Variants in ANG observed in about 807,000 individuals in gnomAD.
The protein encoded by ANG is Homo sapiens epididymis luminal protein 168.
For missense variants in ANG, 178 were observed against 187.4 expected (o/e 0.95, Z 0.29); for synonymous variants, 74 against 73.8 (o/e 1.00, Z -0.02).
chr14:20,688,885 G>A lies in ANG; in HGVS notation c.-19+11G>A. The A allele has an allele frequency of 1.0e-6, 1 of 981,610 alleles. No homozygotes were observed. Among genetic ancestry groups the A allele is most frequent in the Non-Finnish European group, 1.2e-6 (1 of 826,608 alleles). 60.8% of individuals were successfully genotyped at this position (981,610 alleles called of 1,614,324 possible). ...GATTCTTCCTCCTGGGTAAACTATT[G>A]TTCAATTTGTTTTATATATTATTTC... On this transcript the variant is annotated intron_variant, in intron 1 of 1. Transcript: ENST00000397990.
intron 1 of ANG, among the ~76,000 whole-genome samples, chr14:20,693,152 T>G (rs565256089): frequency 1.4e-4 from 21 of 152,294 alleles, no homozygotes; most frequent in Admixed American, 1.2e-3. Flanking sequence ...CGGCCGTCAT[T>G]TGGTATGTCT....
chr14:20,688,898 T>C (rs891094000), intron 1 of ANG, 24 bp downstream of exon 1: 1 of 975,140 alleles, frequency 1.0e-6, no homozygotes, highest in Non-Finnish European at 1.2e-6. Flanking sequence ...CAATTTGTTT[T>C]ATATATTATT....
At chr14:20,691,566 G>A (rs1415447193) in intron 1 of ANG, among the ~76,000 whole-genome samples, 3 of 152,150 alleles carry the variant, frequency 2.0e-5, no homozygotes, top group South Asian at 2.1e-4. Flanking sequence ...CTACAATCAT[G>A]TACCTCTTTC....
chr14:20,686,958 G>C (rs550844665), upstream of ANG, among the ~76,000 whole-genome samples: 1 of 152,156 alleles, frequency 6.6e-6, no homozygotes, highest in African/African-American at 2.4e-5. Context: ...CGTGCATCCC[G>C]TGTCTGTGTG....
upstream of ANG, among the ~76,000 whole-genome samples, chr14:20,687,661 A>T (rs1475874786): frequency 6.6e-6 from 1 of 152,214 alleles, no homozygotes; most frequent in Non-Finnish European, 1.5e-5. Flanking sequence ...TGAGCAGAGC[A>T]TATTTACATA....
rs1026277857 is a variant in ANG, at chr14:20,693,652, T to A, written c.88T>A (p.Tyr30Asn). The A allele has an allele frequency of 6.2e-7, 1 of 1,614,106 alleles. No homozygotes were observed. Among genetic ancestry groups the A allele is most frequent in the African/African-American group, 1.3e-5 (1 of 75,008 alleles). Residue 30 changes from tyrosine (Y) to asparagine (N), a missense_variant, in exon 2 of 2, where the codon TAC (tyrosine) becomes AAC (asparagine). Tyr to Asn is a moderately radical substitution (Grantham distance 143). Transcript: ENST00000397990. ...PPTLAQDNSR[Y>N]THFLTQHYDA... Reference sequence around the variant, plus strand: ...GACCCTGGCTCAGGATAACTCCAGGTACACACACTTCCTGACCCAGCACTA... The same window carrying A: ...GACCCTGGCTCAGGATAACTCCAGGAACACACACTTCCTGACCCAGCACTA...
upstream of ANG, among the ~76,000 whole-genome samples, chr14:20,688,472 T>A (rs1886530864): frequency 6.6e-6 from 1 of 152,212 alleles, no homozygotes; most frequent in Admixed American, 6.5e-5. Context: ...AGATGCTATC[T>A]TATGGATCCA....
In ANG at chr14:20,693,547, G is replaced by GA. The variant is rs1277482653; in HGVS notation, c.-17dup. On this transcript the variant is annotated splice_region_variant and 5_prime_UTR_variant, in exon 2 of 2. Transcript: ENST00000397990. ...CCACACCTCCTTTTGCCCTCCGCAG[G>GA]AGCCTGTGTTGGAAGAGATGGTGAT... 8 of 1,610,904 alleles carry GA rather than the reference G, an allele frequency of 5.0e-6. No individual in the cohort carries two copies. In the African/African-American group the frequency reaches 9.3e-5, roughly 19 times the overall value.
intron 1 of ANG, among the ~76,000 whole-genome samples, chr14:20,691,514 A>G (rs1886746049): frequency 6.6e-6 from 1 of 152,224 alleles, no homozygotes; most frequent in African/African-American, 2.4e-5. Context: ...GAGCAGCTGC[A>G]TGAGTGAATA....
intron 1 of ANG, among the ~76,000 whole-genome samples, chr14:20,693,066 C>G (rs1324769471): frequency 1.3e-4 from 19 of 151,952 alleles, no homozygotes; most frequent in Admixed American, 5.2e-4. Context: ...CCAGGATGGT[C>G]TCGATCTCCT....
intron 1 of ANG, among the ~76,000 whole-genome samples, chr14:20,689,491 G>A (rs988250266): frequency 1.3e-5 from 2 of 152,210 alleles, no homozygotes; most frequent in Non-Finnish European, 2.9e-5. Context: ...ATCATAAACT[G>A]TCAAGTTAAC....
Position 20,693,908 on chromosome 14 carries a change from C to T in ANG, c.344C>T (p.Pro115Leu), listed in dbSNP as rs776697501. Reference sequence around the variant, plus strand: ...CTACATGGAGGTTCCCCCTGGCCTCCATGCCAGTACCGAGCCACAGCGGGG... The same window carrying T: ...CTACATGGAGGTTCCCCCTGGCCTCTATGCCAGTACCGAGCCACAGCGGGG... Reference protein sequence around the residue: ...CKLHGGSPWPPCQYRATAGFR... With the variant: ...CKLHGGSPWPLCQYRATAGFR... Residue 115 changes from proline to leucine, a missense_variant, in exon 2 of 2, where the codon CCA becomes CTA. Physicochemically the swap from Pro to Leu is moderately conservative, Grantham distance 98. Transcript: ENST00000397990. 1 of 1,614,156 alleles carries T rather than the reference C, an allele frequency of 6.2e-7. No homozygotes were observed. The highest frequency in any genetic ancestry group is 1.1e-5 in the South Asian group (1 of 91,070).
Position 20,694,042 on chromosome 14 carries a change from G to A in ANG, c.*34G>A, listed in dbSNP as rs575941167. ...CCCCTGGTCAAGTGCTGGCTCTGCT[G>A]TCCTTGCCTTCCATTTCCCCTCTGC... On this transcript the variant is annotated 3_prime_UTR_variant, in exon 2 of 2. Coordinates refer to ENST00000397990, the MANE Select transcript of ANG (RefSeq NM_001097577.3). 1 of 1,612,812 alleles carries A rather than the reference G, an allele frequency of 6.2e-7. No homozygotes were observed. Among genetic ancestry groups the A allele is most frequent in the African/African-American group, 1.3e-5 (1 of 75,014 alleles).
chr14:20,688,911 T>C, intron 1 of ANG, 37 bp downstream of exon 1: 2 of 959,448 alleles, frequency 2.1e-6, no homozygotes, highest in Non-Finnish European at 2.5e-6. Context: ...ATATTATTTC[T>C]AGCCATCCAT....
intron 1 of ANG, among the ~76,000 whole-genome samples, chr14:20,690,832 A>G (rs1886705175): frequency 6.6e-6 from 1 of 152,258 alleles, no homozygotes; most frequent in Non-Finnish European, 1.5e-5. Context: ...AAGGTGAATA[A>G]TATGAGTTCT....
At chr14:20,686,355 A>G (rs1219127311), upstream of ANG, among the ~76,000 whole-genome samples, 2 of 152,220 alleles carry the variant, frequency 1.3e-5, no homozygotes, top group Non-Finnish European at 2.9e-5. Flanking sequence ...TAATCAGGTT[A>G]TAAGCAGGCA....
chr14:20,693,710 A>C lies in ANG; in HGVS notation c.146A>C (p.Tyr49Ser). The change falls in exon 2 of 2, where the codon TAC becomes TCC. Residue 49 changes from tyrosine to serine, a missense_variant. Physicochemically the swap from Tyr to Ser is moderately radical, Grantham distance 144. Transcript: ENST00000397990. ...DAKPQGRDDRYCESIMRRRGL... is the reference protein window; with the variant it reads ...DAKPQGRDDRSCESIMRRRGL... ...AAACCACAGGGCCGGGATGACAGAT[A>C]CTGTGAAAGCATCATGAGGAGACGG... 3.1e-6 allele frequency: 5 copies of C among 1,614,218 alleles called. No individual in the cohort carries two copies. The highest frequency in any genetic ancestry group is 3.4e-6 in the Non-Finnish European group (4 of 1,180,038).
intron 1 of ANG, among the ~76,000 whole-genome samples, chr14:20,690,964 T>G (rs1028474987): frequency 6.6e-6 from 1 of 152,236 alleles, no homozygotes; most frequent in Non-Finnish European, 1.5e-5. Context: ...TCGGTCTTTA[T>G]TTTGTGATAT....
upstream of ANG, chr14:20,688,656 G>C (rs1324412426): frequency 1.0e-6 from 1 of 983,876 alleles, no homozygotes; most frequent in South Asian, 4.7e-5. Context: ...CATGCCCAGC[G>C]AAAAGGTGAA....
Sources: allele counts gnomAD v4.1 joint callset (sites outside exome capture counted in the v4.1 genomes callset), GRCh38; gene constraint gnomAD v4.1.1; transcripts MANE v1.5; gene names NCBI Gene and HGNC (gene_info 2026-07-23, HGNC 2026-07-21).